The following BIRC6 variants were observed in gnomAD, a reference collection of about 807,000 sequenced individuals.
The protein encoded by BIRC6 is baculoviral IAP repeat containing 6.
A neutral mutation model predicts 503.3 loss-of-function variants in BIRC6; 98 were observed. The observed-to-expected ratio is 0.19, with a 90% CI of 0.17 to 0.23. The LOEUF (loss-of-function observed/expected upper bound fraction) is 0.23, where lower values mean the gene tolerates loss of function less well. BIRC6 is among the 10% of genes least tolerant of loss of function. BIRC6 has a pLI of 1.00. For missense variants in BIRC6, 5,360 were observed against 5,806.0 expected, an observed-to-expected ratio of 0.92 and a Z score of 2.50; for synonymous variants, 2,240 against 2,078.7, an observed-to-expected ratio of 1.08 and a Z score of -2.11.
rs1158685348 is a variant in BIRC6, at chr2:32,599,946, C to CAA, written c.13992+48_13992+49dup. ...TGTTTCAAATGCCAATGATTGTATA[C>CAA]AAAGGTTCTTTGTAATTTGAAGAAA... On this transcript the variant is annotated intron_variant, in intron 70 of 73. Transcript: ENST00000421745. 10 of 1,561,500 alleles carry CAA rather than the reference C, an allele frequency of 6.4e-6. No homozygotes were observed. The South Asian group carries it at 1.0e-4, about 16-fold the overall frequency.
At chr2:32,526,092 A>G (rs1294606763) in intron 59 of BIRC6, among the ~76,000 whole-genome samples, 1 of 152,150 alleles carries the variant, frequency 6.6e-6, no homozygotes. Context: ...CCCTAATCCA[A>G]AAATTCAGTA....
chr2:32,536,122 TC>T (rs1305534258), intron 61 of BIRC6, among the ~76,000 whole-genome samples: 2 of 152,254 alleles, frequency 1.3e-5, no homozygotes, highest in Non-Finnish European at 2.9e-5. Context: ...AAGCATTTGT[TC>T]ATATCCTTCG....
At chr2:32,490,748 T>C (rs2051603992) in intron 43 of BIRC6, among the ~76,000 whole-genome samples, 1 of 152,252 alleles carries the variant, frequency 6.6e-6, no homozygotes, top group African/African-American at 2.4e-5. Context: ...TTTTATGTTA[T>C]TCTTTTAAGA....
intron 28 of BIRC6, 37 bp downstream of exon 28, chr2:32,468,148 T>A: frequency 6.4e-7 from 1 of 1,574,738 alleles, no homozygotes; most frequent in Non-Finnish European, 8.7e-7. Flanking sequence ...TTATTGAAAC[T>A]TTGTATTTTA....
chr2:32,472,129 C>G (rs567484302), intron 32 of BIRC6, among the ~76,000 whole-genome samples: 1 of 152,182 alleles, frequency 6.6e-6, no homozygotes, highest in Non-Finnish European at 1.5e-5. Context: ...TGCAGTGGCA[C>G]GATCTCAGCT....
chr2:32,479,379 T>C (rs2050127538), intron 36 of BIRC6, 83 bp from the exon 37 acceptor site: 1 of 1,344,910 alleles, frequency 7.4e-7, no homozygotes, highest in African/African-American at 1.5e-5. Flanking sequence ...TGTCAGTGAC[T>C]AAACTGGAGG....
rs267599356 is a variant in BIRC6, at chr2:32,508,081, C to A, written c.9802C>A (p.Gln3268Lys). The change falls in exon 51 of 74, where the codon CAG becomes AAG. Residue 3268 changes from glutamine (Q) to lysine (K), a missense_variant. Transcript: ENST00000421745. ...AAGTGGCCTCACCTACATAAAAATT[C>A]AGCTTGTAAAAGCCGAAGTAGCTTC... Reference protein sequence around the residue: ...VTSGLTYIKIQLVKAEVASAV... With the variant: ...VTSGLTYIKIKLVKAEVASAV... The A allele has an allele frequency of 6.2e-7, 1 of 1,613,900 alleles. No individual in the cohort carries two copies. The highest frequency in any genetic ancestry group is 1.6e-4 in the Middle Eastern group (1 of 6,062).
chr2:32,414,690 A>AATAC lies in BIRC6; in HGVS notation c.1478-76_1478-75insCATA. 3 of 1,010,402 alleles carry AATAC rather than the reference A, an allele frequency of 3.0e-6. No homozygotes were observed. In the South Asian group the frequency reaches 8.5e-5, roughly 28 times the overall value. 62.6% of individuals were successfully genotyped at this position (1,010,402 alleles called of 1,614,324 possible). ...TCAAAAATAAATAAATAAATAAATA[A>AATAC]ATAATTTTACTTGTGTATTCATAAT... On this transcript the variant is annotated intron_variant, in intron 9 of 73. Transcript: ENST00000421745.
chr2:32,532,763 CAT>C (rs2056891264), intron 61 of BIRC6, among the ~76,000 whole-genome samples: 1 of 152,034 alleles, frequency 6.6e-6, no homozygotes, highest in African/African-American at 2.4e-5. Context: ...TAGACAATGA[CAT>C]AATTACTCAA....
At chr2:32,499,114 T>C (rs1426926067) in intron 45 of BIRC6, among the ~76,000 whole-genome samples, 1 of 152,258 alleles carries the variant, frequency 6.6e-6, no homozygotes, top group Non-Finnish European at 1.5e-5. Flanking sequence ...CATTCAATTT[T>C]GATACTTGAG....
At chr2:32,592,222 G>A (rs760908814) in intron 66 of BIRC6, among the ~76,000 whole-genome samples, 1 of 152,176 alleles carries the variant, frequency 6.6e-6, no homozygotes, top group African/African-American at 2.4e-5. Context: ...CATTTCCTGA[G>A]TGGTAAAGGA....
chr2:32,428,678 T>A (rs2043786550), intron 10 of BIRC6, among the ~76,000 whole-genome samples: 1 of 152,180 alleles, frequency 6.6e-6, no homozygotes, highest in Non-Finnish European at 1.5e-5. Context: ...GTGACAGAGA[T>A]TTTAAACTAG....
At chr2:32,580,314 C>T (rs2060587521) in intron 66 of BIRC6, among the ~76,000 whole-genome samples, 2 of 152,070 alleles carry the variant, frequency 1.3e-5, no homozygotes, top group African/African-American at 4.8e-5. Context: ...CAAGACACTA[C>T]AGGAAAATCA....
intron 6 of BIRC6, among the ~76,000 whole-genome samples, chr2:32,397,225 C>A (rs868208708): frequency 6.6e-6 from 1 of 151,532 alleles, no homozygotes; most frequent in African/African-American, 2.4e-5. Flanking sequence ...AATCCCAGCA[C>A]TTTGGGAGGC....
At chr2:32,444,788 G>T (rs1239521132) in intron 20 of BIRC6, among the ~76,000 whole-genome samples, 3 of 152,114 alleles carry the variant, frequency 2.0e-5, no homozygotes, top group African/African-American at 7.2e-5. Flanking sequence ...TTGTTGAAAA[G>T]TTATATCATT....
Position 32,390,526 on chromosome 2 carries a change from G to A in BIRC6, c.840-1513G>A, listed in dbSNP as rs529811346. Among the ~76,000 whole-genome samples, 5 of 152,200 alleles carry A rather than the reference G, an allele frequency of 3.3e-5. No homozygotes were observed. In the East Asian group the frequency reaches 9.7e-4, roughly 29 times the overall value. On this transcript the variant is annotated intron_variant, in intron 4 of 73. Transcript: ENST00000421745. ...GACAGGGTTTCACCATGTTGGCCAG[G>A]CTGGTCTCGAACTCCTGACCTCAAG...
chr2:32,552,872 AT>A, intron 65 of BIRC6, among the ~76,000 whole-genome samples: 1 of 149,950 alleles, frequency 6.7e-6, no homozygotes, highest in Non-Finnish European at 1.5e-5. Flanking sequence ...ATATTTATAT[AT>A]TTATATTTAT....
chr2:32,543,000 G>A (rs563989809), intron 61 of BIRC6, among the ~76,000 whole-genome samples: 63 of 151,864 alleles, frequency 4.1e-4, no homozygotes, highest in Non-Finnish European at 7.6e-4. Flanking sequence ...GTGTTTCACC[G>A]TGTTGGCCAG....
chr2:32,418,884 G>T (rs1024968109), intron 10 of BIRC6, among the ~76,000 whole-genome samples: 1 of 152,170 alleles, frequency 6.6e-6, no homozygotes, highest in Non-Finnish European at 1.5e-5. Flanking sequence ...GGAGGAGAAG[G>T]TTGCAGTGAG....
Sources: allele counts gnomAD v4.1 joint callset (sites outside exome capture counted in the v4.1 genomes callset), GRCh38; gene constraint gnomAD v4.1.1; transcripts MANE v1.5; gene names NCBI Gene and HGNC (gene_info 2026-07-23, HGNC 2026-07-21).